The following UBR2 variants were observed in gnomAD, a reference collection of about 807,000 sequenced individuals.
The protein encoded by UBR2 is E3 ubiquitin-protein ligase UBR2.
In UBR2, 92 loss-of-function variants were observed where a neutral mutation model predicts 247.9. The ratio of observed to expected loss-of-function variants is 0.37; its 90% CI spans 0.31 to 0.44. The LOEUF (loss-of-function observed/expected upper bound fraction) is 0.44, where lower values mean the gene tolerates loss of function less well. UBR2 is among the 20% of genes least tolerant of loss of function. UBR2 has a pLI of 1.00. For synonymous variants in UBR2, 672 were observed against 693.5 expected (o/e 0.97, Z 0.49); for missense variants, 1,613 against 2,112.6 (o/e 0.76, Z 4.64).
chr6:42,616,976 C>T (rs1342344069), intron 10 of UBR2, among the ~76,000 whole-genome samples: 1 of 152,194 alleles, frequency 6.6e-6, no homozygotes, highest in Non-Finnish European at 1.5e-5. Flanking sequence ...ACAATGACAT[C>T]TTGGGAGCTT....
intron 21 of UBR2, among the ~76,000 whole-genome samples, chr6:42,646,885 G>A (rs1274322022): frequency 1.3e-5 from 2 of 151,776 alleles, no homozygotes; most frequent in African/African-American, 4.8e-5. Context: ...ACAATGGCAT[G>A]GTCTTGGCTT....
intron 29 of UBR2, 143 bp downstream of exon 29, chr6:42,658,967 G>A: frequency 1.1e-6 from 1 of 937,378 alleles, no homozygotes; most frequent in South Asian, 2.1e-5. Flanking sequence ...CCTCCATTTA[G>A]AAGATTTAAT....
At chr6:42,668,186 G>A (rs1798235661) in intron 34 of UBR2, among the ~76,000 whole-genome samples, 1 of 152,088 alleles carries the variant, frequency 6.6e-6, no homozygotes. Flanking sequence ...TCTTGGCCCT[G>A]CTCCTCTTAT....
At chr6:42,670,806 T>C in intron 36 of UBR2, 91 bp downstream of exon 36, 4 of 907,920 alleles carry the variant, frequency 4.4e-6, no homozygotes, top group Non-Finnish European at 6.7e-6. Flanking sequence ...CAGTAGTTAC[T>C]TACACCTTCA....
chr6:42,671,583 G>A (rs997573161), intron 36 of UBR2, among the ~76,000 whole-genome samples: 3 of 152,040 alleles, frequency 2.0e-5, no homozygotes, highest in Admixed American at 1.3e-4. Flanking sequence ...ATCATTTTGC[G>A]TGGGCATTTT....
At chr6:42,610,960 C>A (rs1295984499) in intron 7 of UBR2, among the ~76,000 whole-genome samples, 1 of 151,454 alleles carries the variant, frequency 6.6e-6, no homozygotes, top group Non-Finnish European at 1.5e-5. Flanking sequence ...ATTCTCCTGC[C>A]TCAGCCTCCT....
At chr6:42,568,978 G>C (rs1244177693) in intron 1 of UBR2, among the ~76,000 whole-genome samples, 1 of 152,140 alleles carries the variant, frequency 6.6e-6, no homozygotes, top group Non-Finnish European at 1.5e-5. Context: ...TCAAATTAGG[G>C]ATGCTCAACC....
Position 42,678,761 on chromosome 6 carries a change from A to G in UBR2, c.4609+92A>G. The G allele has an allele frequency of 2.1e-6, 3 of 1,431,192 alleles. No homozygotes were observed. The South Asian group carries it at 4.2e-5, about 20-fold the overall frequency. The allele number at this position is 1,431,192 out of a possible 1,614,324, so 88.7% of individuals were successfully genotyped here. ...TCACTTGCAAAAATGAAAATTGACT[A>G]AAAGTTCAAAGAATAGCTTATTGAC... On this transcript the variant is annotated intron_variant, in intron 41 of 46. Transcript: ENST00000372901.
chr6:42,653,367 G>A (rs761061252), intron 25 of UBR2, among the ~76,000 whole-genome samples: 7 of 152,212 alleles, frequency 4.6e-5, no homozygotes, highest in Non-Finnish European at 7.4e-5. Context: ...ACATGCGTGA[G>A]CCACTATGCC....
chr6:42,688,089 A>G (rs1799547267), intron 44 of UBR2, 127 bp from the exon 45 acceptor site: 2 of 1,023,152 alleles, frequency 2.0e-6, no homozygotes, highest in Admixed American at 4.1e-5. Flanking sequence ...ACTTGCATAG[A>G]CTGTAGGATA....
chr6:42,619,581 T>G, intron 11 of UBR2: 1 of 221,322 alleles, frequency 4.5e-6, no homozygotes, highest in Non-Finnish European at 8.7e-6. Flanking sequence ...AAACCCCATC[T>G]CTACTAAAAA....
intron 2 of UBR2, among the ~76,000 whole-genome samples, chr6:42,580,043 G>T (rs1464319911): frequency 6.0e-5 from 9 of 151,130 alleles, no homozygotes; most frequent in African/African-American, 2.2e-4. Context: ...AGATTTCTAG[G>T]TTTTTTTTTC....
rs114786744 is a variant in UBR2 at position 42,568,017 on chromosome 6, A to C, written c.78+3620A>C. ...AGCTATGATCATGCCACTGTACTCC[A>C]TCTTGGGTGATACAGTGAGACCCTG... On this transcript the variant is annotated intron_variant, in intron 1 of 46. Transcript: ENST00000372901. Among the ~76,000 whole-genome samples, 591 of 152,346 alleles carry C rather than the reference A, an allele frequency of 3.9e-3. 1 individual carries two copies. The highest frequency in any genetic ancestry group is 0.013 in the African/African-American group (553 of 41,576).
intron 8 of UBR2, among the ~76,000 whole-genome samples, chr6:42,613,205 G>T (rs755974879): frequency 6.6e-6 from 1 of 152,176 alleles, no homozygotes; most frequent in East Asian, 1.9e-4. Context: ...CAAGCCTGGT[G>T]TGTAACACTA....
chr6:42,634,973 CCTT>C (rs1302568111), intron 13 of UBR2, among the ~76,000 whole-genome samples: 2 of 152,102 alleles, frequency 1.3e-5, no homozygotes, highest in Admixed American at 1.3e-4. Flanking sequence ...TATTGTTTTG[CCTT>C]CTTTCAGGCT....
chr6:42,646,597 C>A (rs1046729159), intron 21 of UBR2, among the ~76,000 whole-genome samples: 1 of 152,006 alleles, frequency 6.6e-6, no homozygotes, highest in Admixed American at 6.6e-5. Context: ...CTACTCAGGG[C>A]AGGATGTGGA....
intron 1 of UBR2, among the ~76,000 whole-genome samples, chr6:42,571,242 C>CAAAAAAA (rs774925925): frequency 7.7e-5 from 3 of 39,134 alleles, no homozygotes; most frequent in Non-Finnish European, 1.4e-4. Context: ...GACTCCGTCT[C>CAAAAAAA]AAAAAAAAAA....
chr6:42,566,992 C>T lies in UBR2; in HGVS notation c.78+2595C>T, dbSNP rs145337715. 1.6e-3 allele frequency among the ~76,000 whole-genome samples: 246 copies of T among 152,230 alleles called. 1 individual carries two copies. The highest frequency in any genetic ancestry group is 0.015 in the Admixed American group (235 of 15,286). Reference sequence around the variant, plus strand: ...TCAGCTTAGGCTTCAGCTTTTTTATCACACATTTAAATTAATAAAGTTTTT... The same window carrying T: ...TCAGCTTAGGCTTCAGCTTTTTTATTACACATTTAAATTAATAAAGTTTTT... On this transcript the variant is annotated intron_variant, in intron 1 of 46. Transcript: ENST00000372901.
Position 42,612,181 on chromosome 6 carries a change from G to A in UBR2, c.875G>A (p.Ser292Asn). The A allele has an allele frequency of 6.5e-7, 1 of 1,530,108 alleles. No homozygotes were observed. Among genetic ancestry groups the A allele is most frequent in the Non-Finnish European group, 8.9e-7 (1 of 1,120,592 alleles). The allele number at this position is 1,530,108 out of a possible 1,614,324, so 94.8% of individuals were successfully genotyped here. Residue 292 changes from serine (S) to asparagine (N), a missense_variant, in exon 8 of 47, where the codon AGT (serine) becomes AAT (asparagine). Ser to Asn is a conservative substitution (Grantham distance 46, BLOSUM62 1). Around this residue, in one of 3 missense-constraint regions of UBR2, gnomAD observed 1,524 missense variants for 1,967.3 expected, o/e 0.77. Coordinates refer to ENST00000372901, the MANE Select transcript of UBR2 (RefSeq NM_001363705.2). Reference protein sequence around the residue: ...QAKSVIVRNTSRQTKPLKVQV... With the variant: ...QAKSVIVRNTNRQTKPLKVQV... ...CCATTTCTTTTTAAGAGAAATACCA[G>A]TAGACAGACAAAGCCACTCAAAGTT...
Sources: allele counts gnomAD v4.1 joint callset (sites outside exome capture counted in the v4.1 genomes callset), GRCh38; gene constraint gnomAD v4.1.1; regional missense constraint gnomAD v4.1.1; transcripts MANE v1.5; gene names NCBI Gene and HGNC (gene_info 2026-07-23, HGNC 2026-07-21).